Variants in KAT2B observed in about 807,000 individuals in gnomAD.
KAT2B encodes histone acetyltransferase KAT2B.
Under a neutral mutation model 105.9 loss-of-function variants are expected in KAT2B, and 36 were observed. The observed-to-expected ratio is 0.34, with a 90% confidence interval of 0.26 to 0.45. The LOEUF (loss-of-function observed/expected upper bound fraction) is 0.45. KAT2B is among the 20% of genes least tolerant of loss of function. The pLI, the probability that KAT2B is intolerant of heterozygous loss-of-function variation, is 1.00. For synonymous variants in KAT2B, 397 were observed against 377.9 expected (o/e 1.05, Z -0.59); for missense variants, 820 against 1,021.6 (o/e 0.80, Z 2.69).
chr3:20,129,379 T>C (rs1699468465), intron 11 of KAT2B, among the ~76,000 whole-genome samples: 1 of 150,536 alleles, frequency 6.6e-6, no homozygotes. Flanking sequence ...TACTGTCTTT[T>C]TTTTTTTTTT....
intron 2 of KAT2B, among the ~76,000 whole-genome samples, chr3:20,076,623 T>C (rs1272294642): frequency 6.6e-6 from 1 of 152,240 alleles, no homozygotes; most frequent in Non-Finnish European, 1.5e-5. Flanking sequence ...AGCACCCAGC[T>C]CTAATGATTA....
At chr3:20,059,601 A>G (rs1698064489) in intron 1 of KAT2B, among the ~76,000 whole-genome samples, 1 of 151,896 alleles carries the variant, frequency 6.6e-6, no homozygotes, top group Admixed American at 6.6e-5. Flanking sequence ...GCTACTTGGG[A>G]GGCTGAGGCA....
chr3:20,090,623 G>T (rs535187574), intron 2 of KAT2B, among the ~76,000 whole-genome samples: 1 of 152,234 alleles, frequency 6.6e-6, no homozygotes, highest in African/African-American at 2.4e-5. Context: ...TTGCATCCAT[G>T]TTCATCAGGG....
At chr3:20,065,749 A>G (rs1477587463) in intron 1 of KAT2B, among the ~76,000 whole-genome samples, 1 of 129,030 alleles carries the variant, frequency 7.8e-6, no homozygotes, top group East Asian at 4.2e-4. Context: ...AGGGATTCTC[A>G]TATATATCAA....
At chr3:20,113,454 A>G (rs1460770903) in intron 6 of KAT2B, among the ~76,000 whole-genome samples, 2 of 152,156 alleles carry the variant, frequency 1.3e-5, no homozygotes, top group Non-Finnish European at 1.5e-5. Flanking sequence ...GTATTTGCTA[A>G]TTATAGTGTG....
intron 17 of KAT2B, among the ~76,000 whole-genome samples, chr3:20,151,677 T>C (rs1472950068): frequency 8.5e-5 from 13 of 152,186 alleles, no homozygotes; most frequent in Admixed American, 8.5e-4. Context: ...ATACTACAAT[T>C]TAAAGCAAGT....
At chr3:20,127,901 C>T (rs1182998663) in intron 11 of KAT2B, among the ~76,000 whole-genome samples, 1 of 152,204 alleles carries the variant, frequency 6.6e-6, no homozygotes, top group Non-Finnish European at 1.5e-5. Flanking sequence ...GAGTCTAGTG[C>T]CACCACTGAT....
chr3:20,068,508 C>A (rs1008357423), intron 1 of KAT2B, among the ~76,000 whole-genome samples: 1 of 151,486 alleles, frequency 6.6e-6, no homozygotes, highest in Non-Finnish European at 1.5e-5. Context: ...TTTATCCCAC[C>A]CTCTGCTAAG....
chr3:20,050,784 G>C (rs7618816), intron 1 of KAT2B, among the ~76,000 whole-genome samples: 1 of 151,238 alleles, frequency 6.6e-6, no homozygotes, highest in African/African-American at 2.4e-5. Flanking sequence ...GCTCACTGCA[G>C]GATCTGCCTC....
intron 13 of KAT2B, among the ~76,000 whole-genome samples, chr3:20,145,330 T>C (rs1330953004): frequency 2.0e-5 from 3 of 152,216 alleles, no homozygotes; most frequent in African/African-American, 7.2e-5. Context: ...CTAGATTTAC[T>C]AGGAATATAC....
chr3:20,092,235 A>ATTTATTTATTT lies in KAT2B; in HGVS notation c.431-3027_431-3017dup, dbSNP rs1553588257. 1.2e-3 allele frequency among the ~76,000 whole-genome samples: 126 copies of ATTTATTTATTT among 103,704 alleles called. 1 individual carries two copies. The highest frequency in any genetic ancestry group is 4.5e-3 in the African/African-American group (100 of 22,250). The allele number at this position is 103,704 out of a possible 152,430, so 68.0% of individuals were successfully genotyped here. A position where few individuals can be genotyped will look rare whatever the true frequency, so the allele number is the denominator to read the frequency against. Reference sequence around the variant, plus strand: ...CTTTCACATATTTATTTATTTATTTATTTATTTATTTGAGATGGAGTGTTG... The same window carrying ATTTATTTATTT: ...CTTTCACATATTTATTTATTTATTTATTTATTTATTTTTTATTTATTTGAGATGGAGTGTTG... On this transcript the variant is annotated intron_variant, in intron 2 of 17. Transcript: ENST00000263754.
intron 2 of KAT2B, among the ~76,000 whole-genome samples, chr3:20,080,554 G>A (rs563910439): frequency 1.3e-5 from 2 of 152,244 alleles, no homozygotes; most frequent in East Asian, 1.9e-4. Context: ...TATTTAGTTC[G>A]TTGTGCATAA....
At chr3:20,109,283 C>G (rs970908510) in intron 5 of KAT2B, among the ~76,000 whole-genome samples, 1 of 149,240 alleles carries the variant, frequency 6.7e-6, no homozygotes, top group Non-Finnish European at 1.5e-5. Context: ...CCCTCAGCCC[C>G]AGATAGATAG....
chr3:20,052,124 T>G lies in KAT2B; in HGVS notation c.303+11344T>G, dbSNP rs115089796. On this transcript the variant is annotated intron_variant, in intron 1 of 17. Transcript: ENST00000263754. The stretch of plus-strand genomic sequence containing the variant: ...TTTCTCTGCCATGTATCTCTGTATC[T>G]TGTTCTCAAAGCCTCATTCCAGTCT... 4.9e-3 allele frequency among the ~76,000 whole-genome samples: 752 copies of G among 152,364 alleles called. 5 individuals are homozygous for G. The highest frequency in any genetic ancestry group is 0.017 in the African/African-American group (718 of 41,592).
chr3:20,053,096 C>T (rs546670600), intron 1 of KAT2B, among the ~76,000 whole-genome samples: 2 of 152,336 alleles, frequency 1.3e-5, no homozygotes, highest in South Asian at 4.1e-4. Flanking sequence ...AAGTGTGTTT[C>T]CCCTTGGTTC....
In KAT2B at chr3:20,086,694, T is replaced by G. The variant is rs146935516; in HGVS notation, c.431-8569T>G. On this transcript the variant is annotated intron_variant, in intron 2 of 17. Transcript: ENST00000263754. Reference sequence around the variant, plus strand: ...CATCACTCTGCCTTTCAATTACTTTTCTGTATTAGAAATGAAAGGTGGGTG... The same window carrying G: ...CATCACTCTGCCTTTCAATTACTTTGCTGTATTAGAAATGAAAGGTGGGTG... Among the ~76,000 whole-genome samples the G allele has an allele frequency of 2.6e-4, 40 of 152,328 alleles. No individual in the cohort carries two copies. The East Asian group carries it at 7.5e-3, about 29-fold the overall frequency.
intron 6 of KAT2B, 130 bp from the exon 7 acceptor site, chr3:20,114,752 T>C (rs962497583): frequency 1.5e-5 from 9 of 596,090 alleles, no homozygotes; most frequent in Non-Finnish European, 2.7e-5. Context: ...TAATTTGAGT[T>C]GTAATTCTCC....
intron 1 of KAT2B, among the ~76,000 whole-genome samples, chr3:20,048,881 C>CT (rs1395689503): frequency 3.6e-4 from 54 of 151,918 alleles, no homozygotes; most frequent in Non-Finnish European, 4.3e-4. Context: ...CCCCCCTTTT[C>CT]TTTTTTTTGA....
At chr3:20,056,862 T>C (rs1305667150) in intron 1 of KAT2B, among the ~76,000 whole-genome samples, 1 of 152,244 alleles carries the variant, frequency 6.6e-6, no homozygotes, top group Non-Finnish European at 1.5e-5. Flanking sequence ...ACACCCCTTC[T>C]CTAAGCATTG....
Sources: gnomAD v4.1 joint callset for allele counts (sites outside exome capture counted in the v4.1 genomes callset) on GRCh38, gnomAD v4.1.1 for gene constraint, MANE v1.5 for transcripts, NCBI Gene and HGNC (gene_info 2026-07-23, HGNC 2026-07-21) for gene names.